Variants in ARL3 observed in about 807,000 individuals in gnomAD.
ARL3 encodes ARF like GTPase 3, also known as ADP-ribosylation factor-like protein 3.
In ARL3, 9 loss-of-function variants were observed where a neutral mutation model predicts 26.0. The observed-to-expected ratio is 0.35, with a 90% CI of 0.21 to 0.60. ARL3 has a LOEUF of 0.60. Ranked by LOEUF, ARL3 falls within the 20% of genes least tolerant of loss-of-function variation. The pLI, the probability that ARL3 is intolerant of heterozygous loss-of-function variation, is 0.78. For synonymous variants in ARL3, 71 were observed against 78.4 expected (o/e 0.91, Z 0.50); for missense variants, 158 against 215.7 (o/e 0.73, Z 1.67).
intron 1 of ARL3, 117 bp downstream of exon 1, chr10:102,714,153 TAGC>T: frequency 2.5e-6 from 3 of 1,200,912 alleles, no homozygotes; most frequent in Non-Finnish European, 3.3e-6. Context: ...ACAACCCAGA[TAGC>T]AGGCTGAGCG....
At chr10:102,694,026 C>T (rs1309861277) in intron 3 of ARL3, among the ~76,000 whole-genome samples, 3 of 152,008 alleles carry the variant, frequency 2.0e-5, no homozygotes, top group Admixed American at 6.6e-5. Flanking sequence ...CTTGCTCTGT[C>T]GCCCAGGCTG....
chr10:102,680,708 G>C (rs1405120733), intron 5 of ARL3, among the ~76,000 whole-genome samples: 1 of 152,162 alleles, frequency 6.6e-6, no homozygotes, highest in African/African-American at 2.4e-5. Context: ...AGCGGTGGCA[G>C]CCATGGCTGT....
At position 102,689,882 on chromosome 10, in the gene ARL3, G is replaced by C; in HGVS notation, c.315+11C>G. On this transcript the variant is annotated intron_variant, in intron 4 of 5. Transcript: ENST00000260746. ...TATATAAGAACTTTGATATAAAAAA[G>C]AATTATTTACCTGACCCGTCTCTTC... 6.4e-7 allele frequency: 1 copy of C among 1,551,992 alleles called. No individual in the cohort carries two copies. Among genetic ancestry groups the C allele is most frequent in the Non-Finnish European group, 8.8e-7 (1 of 1,136,762 alleles).
intron 2 of ARL3, among the ~76,000 whole-genome samples, chr10:102,702,192 T>TA (rs1217326714): frequency 2.6e-5 from 4 of 151,770 alleles, no homozygotes; most frequent in Admixed American, 6.6e-5. Context: ...ACCCCGTCTC[T>TA]AAAAAAAATC....
intron 2 of ARL3, among the ~76,000 whole-genome samples, chr10:102,700,278 G>A (rs12414033): frequency 0.21 from 31,962 of 151,430 alleles, 4,114 homozygotes; most frequent in Non-Finnish European, 0.28. Flanking sequence ...GCGTGTTGGC[G>A]CATGCCTGGA....
intron 5 of ARL3, among the ~76,000 whole-genome samples, chr10:102,684,796 G>A (rs2064174056): frequency 6.6e-6 from 1 of 151,746 alleles, no homozygotes; most frequent in African/African-American, 2.4e-5. Context: ...GCACCACCAT[G>A]TCCGGCTGAT....
chr10:102,690,025 C>T (rs2064208508), intron 3 of ARL3, 82 bp from the exon 4 acceptor site: 3 of 841,102 alleles, frequency 3.6e-6, no homozygotes, highest in Admixed American at 2.3e-5. Context: ...GCAGGTGATC[C>T]CCAATCAGCA....
intron 5 of ARL3, among the ~76,000 whole-genome samples, chr10:102,677,165 G>C (rs980896617): frequency 2.1e-4 from 32 of 152,288 alleles, no homozygotes; most frequent in Admixed American, 2.0e-3. Flanking sequence ...ATGGGAGGGG[G>C]ATGCCCAGCG....
At chr10:102,690,911 G>A (rs1399893372) in intron 3 of ARL3, among the ~76,000 whole-genome samples, 5 of 147,332 alleles carry the variant, frequency 3.4e-5, no homozygotes, top group Admixed American at 3.4e-4. Flanking sequence ...TTTTGAGATG[G>A]GGTCTTGCTA....
rs1331965286 is a variant in ARL3, at chr10:102,676,358, C to T, written c.*536G>A. The T allele has an allele frequency of 2.6e-5, 4 of 152,498 alleles. No homozygotes were observed. The highest frequency in any genetic ancestry group is 2.0e-4 in the Admixed American group (3 of 15,246). The allele number at this position is 152,498 out of a possible 1,614,324, so 9.4% of individuals were successfully genotyped here. Reference sequence around the variant, plus strand: ...GTTTAATTATCTGCCTTTTCTCCCCCCACCCCCACCCAGCAGCTTCCTGTC... The same window carrying T: ...GTTTAATTATCTGCCTTTTCTCCCCTCACCCCCACCCAGCAGCTTCCTGTC... On this transcript the variant is annotated 3_prime_UTR_variant, in exon 6 of 6. Transcript: ENST00000260746.
intron 5 of ARL3, among the ~76,000 whole-genome samples, chr10:102,681,354 C>T (rs1476543979): frequency 6.1e-5 from 9 of 146,806 alleles, no homozygotes; most frequent in Non-Finnish European, 8.9e-5. Context: ...GTTGTGCCAT[C>T]GCATTCCAGC....
chr10:102,685,881 G>A lies in ARL3; in HGVS notation c.436C>T (p.His146Tyr). The stretch of plus-strand genomic sequence containing the variant: ...TGCCAGACTCGGTCGCGGATGGTAT[G>A]CAGGTTCAGTCCTTCTGCAATTTCA... ...ASEIAEGLNLHTIRDRVWQIQ... is the reference protein window; with the variant it reads ...ASEIAEGLNLYTIRDRVWQIQ... The change falls in exon 5 of 6, where the codon CAT becomes TAT. Residue 146 changes from histidine (H) to tyrosine (Y), a missense_variant. By Grantham distance (83) the His-to-Tyr change is moderately conservative. Transcript: ENST00000260746. 6.2e-7 allele frequency: 1 copy of A among 1,614,174 alleles called. No individual in the cohort carries two copies. The highest frequency in any genetic ancestry group is 2.2e-5 in the East Asian group (1 of 44,878).
Position 102,676,302 on chromosome 10 carries a change from C to G in ARL3, c.*592G>C, listed in dbSNP as rs955395084. The G allele has an allele frequency of 6.6e-6, 1 of 150,708 alleles. No homozygotes were observed. The allele number at this position is 150,708 out of a possible 1,614,324, so 9.3% of individuals were successfully genotyped here. ...CTGTCCAAAGAGTGAGGATTACATA[C>G]GTAGTCTCCGACCTGCAAGACGATG... is the stretch of plus-strand genomic sequence containing the variant. On this transcript the variant is annotated 3_prime_UTR_variant, in exon 6 of 6. Transcript: ENST00000260746.
At chr10:102,683,274 C>T (rs2064165512) in intron 5 of ARL3, among the ~76,000 whole-genome samples, 1 of 152,100 alleles carries the variant, frequency 6.6e-6, no homozygotes, top group Non-Finnish European at 1.5e-5. Context: ...CAAAGGTTAC[C>T]ACGAAAGGAC....
At position 102,673,861 on chromosome 10, in the gene ARL3, C is replaced by G. The variant is rs1035669081; in HGVS notation, c.*3033G>C. 1 of 152,242 alleles carries G rather than the reference C, an allele frequency of 6.6e-6. No individual in the cohort carries two copies. Among genetic ancestry groups the G allele is most frequent in the South Asian group, 2.1e-4 (1 of 4,814 alleles). The allele number at this position is 152,242 out of a possible 1,614,324, so 9.4% of individuals were successfully genotyped here. ...TTCAAAAGGGATTATAAAAAAAGAA[C>G]CTTTTGATGGATCAGACTGAACCCT... On this transcript the variant is annotated 3_prime_UTR_variant, in exon 6 of 6. Coordinates refer to ENST00000260746, the MANE Select transcript of ARL3 (RefSeq NM_004311.4).
chr10:102,708,908 A>ATTTTTTTTTTTTT (rs1554864095), intron 1 of ARL3, among the ~76,000 whole-genome samples: 2 of 95,322 alleles, frequency 2.1e-5, no homozygotes, highest in African/African-American at 8.4e-5. Context: ...ATATATATAT[A>ATTTTTTTTTTTTT]TTTTTTTTTT....
intron 3 of ARL3, among the ~76,000 whole-genome samples, chr10:102,693,575 T>C (rs2064231298): frequency 6.6e-6 from 1 of 152,246 alleles, no homozygotes; most frequent in South Asian, 2.1e-4. Flanking sequence ...ATATTTTAGA[T>C]ATAACTACTT....
At chr10:102,711,279 T>C (rs1011752306) in intron 1 of ARL3, among the ~76,000 whole-genome samples, 5 of 152,028 alleles carry the variant, frequency 3.3e-5, no homozygotes, top group African/African-American at 9.7e-5. Context: ...ATGAATGTTA[T>C]GGGCTTTAGA....
intron 1 of ARL3, among the ~76,000 whole-genome samples, chr10:102,713,825 A>G (rs1377137601): frequency 1.3e-5 from 2 of 152,222 alleles, no homozygotes; most frequent in Non-Finnish European, 2.9e-5. Context: ...GGGCGACCTC[A>G]GAGCCAATGG....
Sources: gnomAD v4.1 joint callset for allele counts (sites outside exome capture counted in the v4.1 genomes callset) on GRCh38, gnomAD v4.1.1 for gene constraint, MANE v1.5 for transcripts, NCBI Gene and HGNC (gene_info 2026-07-23, HGNC 2026-07-21) for gene names.